CADM2: variants seen among roughly 807,000 people sequenced by gnomAD.
The protein encoded by CADM2 is immunoglobulin superfamily member 4D.
A neutral mutation model predicts 49.8 loss-of-function variants in CADM2; 12 were observed. That is an observed-to-expected ratio of 0.24 (90% CI 0.15 to 0.39). The LOEUF is 0.39. CADM2 is among the 10% of genes least tolerant of loss of function. The pLI, the probability that CADM2 is intolerant of heterozygous loss-of-function variation, is 1.00. For missense variants in CADM2, 378 were observed against 492.3 expected (o/e 0.77, Z 2.20); for synonymous variants, 214 against 175.4 (o/e 1.22, Z -1.74).
intron 8 of CADM2, among the ~76,000 whole-genome samples, chr3:85,970,052 G>T (rs528362140): frequency 4.7e-5 from 7 of 147,516 alleles, no homozygotes; most frequent in Non-Finnish European, 1.0e-4. Context: ...GGAAATAATT[G>T]ATATTCCTTG....
chr3:85,197,695 C>A (rs192236252), intron 1 of CADM2, among the ~76,000 whole-genome samples: 1 of 151,920 alleles, frequency 6.6e-6, no homozygotes, highest in South Asian at 2.1e-4. Context: ...CAATGTAAAT[C>A]GCACAAGTCA....
rs1003686997 is a variant in CADM2 at position 85,269,002 on chromosome 3, A to G, written c.61+309334A>G. The stretch of plus-strand genomic sequence containing the variant: ...TGCTATCTAATTTTACATTTAGAAA[A>G]TAAACAACAGAAACAAAAATCTAGT... On this transcript the variant is annotated intron_variant, in intron 1 of 9. Transcript: ENST00000383699. Among the ~76,000 whole-genome samples, 6 of 151,550 alleles carry G rather than the reference A, an allele frequency of 4.0e-5. No individual in the cohort carries two copies. The East Asian group carries it at 1.2e-3, about 29-fold the overall frequency.
chr3:85,905,830 A>G (rs573846423), intron 5 of CADM2, among the ~76,000 whole-genome samples: 1 of 152,168 alleles, frequency 6.6e-6, no homozygotes, highest in African/African-American at 2.4e-5. Context: ...TATTGTAAAA[A>G]CTCTGGTAGT....
intron 1 of CADM2, among the ~76,000 whole-genome samples, chr3:85,465,768 T>C (rs1044174970): frequency 6.6e-6 from 1 of 152,174 alleles, no homozygotes; most frequent in African/African-American, 2.4e-5. Flanking sequence ...ATATTAATAA[T>C]AGATGGAAAA....
At chr3:85,893,363 T>G (rs1211407550) in intron 5 of CADM2, among the ~76,000 whole-genome samples, 1 of 152,198 alleles carries the variant, frequency 6.6e-6, no homozygotes, top group Non-Finnish European at 1.5e-5. Flanking sequence ...GATTAAGGAC[T>G]TAAATGTTAG....
chr3:85,516,691 A>G (rs2060911580), intron 1 of CADM2, among the ~76,000 whole-genome samples: 1 of 152,068 alleles, frequency 6.6e-6, no homozygotes, highest in Non-Finnish European at 1.5e-5. Context: ...TCACAATCCA[A>G]TTATAGGTCT....
At chr3:85,729,134 CATATT>C (rs1450775997) in intron 2 of CADM2, among the ~76,000 whole-genome samples, 1 of 152,054 alleles carries the variant, frequency 6.6e-6, no homozygotes, top group Non-Finnish European at 1.5e-5. Flanking sequence ...TCCTGATGAA[CATATT>C]ATATTCTTTT....
At chr3:85,398,132 A>T (rs145494583) in intron 1 of CADM2, among the ~76,000 whole-genome samples, 2,041 of 152,034 alleles carry the variant, frequency 0.013, 49 homozygotes, top group African/African-American at 0.047. Flanking sequence ...CATTAGGTAT[A>T]TCTCCTAATG....
intron 5 of CADM2, among the ~76,000 whole-genome samples, chr3:85,907,931 T>C (rs941365518): frequency 4.7e-5 from 7 of 148,734 alleles, no homozygotes; most frequent in Admixed American, 6.7e-5. Context: ...AAAAAGAAGA[T>C]ATCTTCTTTT....
At chr3:85,530,867 TACACACACACACACACACACAC>T (rs71617940) in intron 1 of CADM2, among the ~76,000 whole-genome samples, 1 of 136,838 alleles carries the variant, frequency 7.3e-6, no homozygotes, top group Non-Finnish European at 1.6e-5. Context: ...TATGTAAAAA[TACACACACACACACACACACAC>T]ACACACACAC....
chr3:85,051,037 G>T (rs1364900116), intron 1 of CADM2, among the ~76,000 whole-genome samples: 8 of 152,176 alleles, frequency 5.3e-5, no homozygotes, highest in Non-Finnish European at 7.3e-5. Flanking sequence ...AGCAAAAAAG[G>T]CTCGAGGCCT....
chr3:85,354,856 G>C (rs1361817470), intron 1 of CADM2, among the ~76,000 whole-genome samples: 5 of 152,064 alleles, frequency 3.3e-5, no homozygotes, highest in East Asian at 1.9e-4. Flanking sequence ...TTTATGCTGA[G>C]TGAGATGGCC....
chr3:85,465,890 G>T (rs1216798884), intron 1 of CADM2, among the ~76,000 whole-genome samples: 1 of 152,114 alleles, frequency 6.6e-6, no homozygotes, highest in African/African-American at 2.4e-5. Context: ...GACCATTACC[G>T]AAAGTATGGA....
At chr3:85,680,324 T>C (rs1000285130) in intron 1 of CADM2, among the ~76,000 whole-genome samples, 1 of 152,182 alleles carries the variant, frequency 6.6e-6, no homozygotes, top group Non-Finnish European at 1.5e-5. Context: ...GAATTTTGAC[T>C]AAGCTTCCTC....
intron 1 of CADM2, among the ~76,000 whole-genome samples, chr3:85,636,194 C>G (rs2064471284): frequency 6.6e-6 from 1 of 152,124 alleles, no homozygotes; most frequent in Non-Finnish European, 1.5e-5. Flanking sequence ...GATGACAGCT[C>G]TATGAATGTT....
At chr3:85,034,434 C>A in intron 1 of CADM2, among the ~76,000 whole-genome samples, 1 of 152,068 alleles carries the variant, frequency 6.6e-6, no homozygotes, top group Admixed American at 6.6e-5. Flanking sequence ...GGATCTCATT[C>A]TTTTTTACGG....
At chr3:85,041,395 G>A (rs1044468310) in intron 1 of CADM2, among the ~76,000 whole-genome samples, 1 of 152,122 alleles carries the variant, frequency 6.6e-6, no homozygotes, top group Non-Finnish European at 1.5e-5. Flanking sequence ...TGCGTGGAGA[G>A]GGGGGCAAAG....
At chr3:85,990,013 C>CAAAAAAAAAAAAAAAA (rs58178176) in intron 8 of CADM2, among the ~76,000 whole-genome samples, 23 of 9,638 alleles carry the variant, frequency 2.4e-3, no homozygotes, top group Admixed American at 4.2e-3. Flanking sequence ...ACTCCATGTC[C>CAAAAAAAAAAAAAAAA]AAAAAAAAAA....
intron 7 of CADM2, 126 bp from the exon 8 acceptor site, chr3:85,961,343 C>T: frequency 1.4e-6 from 1 of 730,744 alleles, no homozygotes; most frequent in Non-Finnish European, 2.1e-6. Context: ...CTTTTGGTAT[C>T]TTATAGAAGT....
Sources: gnomAD v4.1 joint callset for allele counts (sites outside exome capture counted in the v4.1 genomes callset) on GRCh38, gnomAD v4.1.1 for gene constraint, MANE v1.5 for transcripts, NCBI Gene and HGNC (gene_info 2026-07-23, HGNC 2026-07-21) for gene names.